MAST4: variants seen among roughly 807,000 people sequenced by gnomAD.
MAST4 encodes the protein microtubule-associated serine/threonine-protein kinase 4.
A neutral mutation model predicts 162.7 loss-of-function variants in MAST4; 89 were observed. That is an observed-to-expected ratio of 0.55 (90% CI 0.46 to 0.65). The LOEUF (loss-of-function observed/expected upper bound fraction) is 0.65. Among genes scored for constraint, MAST4 ranks in the 30% least tolerant of loss-of-function variants. MAST4 has a pLI of 0.00. For synonymous variants in MAST4, 1,479 were observed against 1,361.1 expected (o/e 1.09, Z -1.91); for missense variants, 3,153 against 3,374.0 (o/e 0.93, Z 1.62).
intron 3 of MAST4, among the ~76,000 whole-genome samples, chr5:66,843,545 G>C (rs1002230107): frequency 1.3e-5 from 2 of 152,066 alleles, no homozygotes; most frequent in African/African-American, 4.8e-5. Flanking sequence ...AACATTTTCT[G>C]ATACAGTCTT....
chr5:67,118,776 A>T, intron 13 of MAST4, 27 bp downstream of exon 13: 1 of 1,392,390 alleles, frequency 7.2e-7, no homozygotes, highest in Non-Finnish European at 9.9e-7. Flanking sequence ...ATGAAATATG[A>T]TGTTGGTTTT....
At chr5:66,615,174 A>G (rs1005194786) in intron 1 of MAST4, among the ~76,000 whole-genome samples, 3 of 151,960 alleles carry the variant, frequency 2.0e-5, no homozygotes, top group African/African-American at 7.3e-5. Context: ...GAAGAGAGAG[A>G]AAGTGAGTAG....
At chr5:66,753,053 T>G (rs1278832398) in intron 1 of MAST4, among the ~76,000 whole-genome samples, 1 of 150,514 alleles carries the variant, frequency 6.6e-6, no homozygotes, top group Non-Finnish European at 1.5e-5. Context: ...GAATGACTAC[T>G]GGGTACATAA....
chr5:66,844,139 CTGTGTGTGTGTGTGTGTGTGTGTGTG>C (rs59568297), intron 3 of MAST4, among the ~76,000 whole-genome samples: 4,636 of 104,568 alleles, frequency 0.044, 128 homozygotes, highest in Non-Finnish European at 0.064. Flanking sequence ...CCCAGTCAGC[CTGTGTGTGTGTGTGTGTGTGTGTGTG>C]TGTGTGTGTG....
chr5:66,724,855 CTG>C (rs1685818552), intron 1 of MAST4, among the ~76,000 whole-genome samples: 1 of 152,056 alleles, frequency 6.6e-6, no homozygotes, highest in East Asian at 1.9e-4. Context: ...ACAGCACTGA[CTG>C]TATCTTAAAT....
intron 3 of MAST4, among the ~76,000 whole-genome samples, chr5:66,870,218 G>A (rs1760827894): frequency 6.6e-6 from 1 of 152,166 alleles, no homozygotes; most frequent in Admixed American, 6.5e-5. Flanking sequence ...AATACAATGT[G>A]CATTTAGGGG....
At chr5:66,601,308 C>T (rs1447275700) in intron 1 of MAST4, among the ~76,000 whole-genome samples, 1 of 152,200 alleles carries the variant, frequency 6.6e-6, no homozygotes, top group Non-Finnish European at 1.5e-5. Context: ...GCCACAAGAT[C>T]AGAAAATCAG....
intron 8 of MAST4, 128 bp downstream of exon 8, chr5:67,100,720 G>A (rs1475568939): frequency 5.3e-6 from 6 of 1,128,424 alleles, no homozygotes; most frequent in Non-Finnish European, 7.6e-6. Context: ...AATATAGTGT[G>A]ATGTTTCCAT....
At position 66,596,610 on chromosome 5, in the gene MAST4, C is replaced by T. The variant is rs774043966; in HGVS notation, c.-46C>T. The T allele has an allele frequency of 8.6e-6, 12 of 1,387,842 alleles. No individual in the cohort carries two copies. The African/African-American group carries it at 1.6e-4, about 19-fold the overall frequency. 86.0% of individuals were successfully genotyped at this position (1,387,842 alleles called of 1,614,324 possible). ...TCTTCCCCGGGAGGCGCTGAGTGCG[C>T]GCCGCGCCCCCGCCGCTCGGGAGGC... On this transcript the variant is annotated 5_prime_UTR_variant, in exon 1 of 29. Transcript: ENST00000403625.
At chr5:66,952,227 G>C (rs181503644) in intron 4 of MAST4, among the ~76,000 whole-genome samples, 17 of 152,280 alleles carry the variant, frequency 1.1e-4, no homozygotes, top group Non-Finnish European at 1.9e-4. Context: ...AAGAGAGGAA[G>C]ATGTTTCCAC....
chr5:66,898,013 CT>C (rs1400997983), intron 3 of MAST4, among the ~76,000 whole-genome samples: 3 of 152,178 alleles, frequency 2.0e-5, no homozygotes, highest in African/African-American at 7.2e-5. Context: ...GAAATAACAT[CT>C]GATTTATTAT....
intron 4 of MAST4, among the ~76,000 whole-genome samples, chr5:67,023,223 G>T (rs1485001172): frequency 6.6e-6 from 1 of 152,124 alleles, no homozygotes; most frequent in East Asian, 1.9e-4. Flanking sequence ...GTCCAGCTTA[G>T]CTTCAACCCA....
Position 67,165,631 on chromosome 5 carries a change from A to G in MAST4, c.6452A>G (p.His2151Arg). 2 of 1,612,122 alleles carry G rather than the reference A, an allele frequency of 1.2e-6. No homozygotes were observed. Among genetic ancestry groups the G allele is most frequent in the Non-Finnish European group, 1.7e-6 (2 of 1,179,208 alleles). Residue 2151 changes from histidine to arginine, a missense_variant, in exon 29 of 29, where the codon CAT (histidine) becomes CGT (arginine). Physicochemically the swap from His to Arg is conservative, Grantham distance 29. Coordinates refer to ENST00000403625, the MANE Select transcript of MAST4 (RefSeq NM_001164664.2). ...CTGTCCAGCCCGGCTGCCAGGCAGC[A>G]TTGCAGTTCCCCAAGCCACGCTTCT... ...KDLSSPAARQ[H>R]CSSPSHASGR... is the part of the protein sequence containing the mutation.
chr5:66,756,803 C>G (rs910195750), intron 1 of MAST4, among the ~76,000 whole-genome samples: 2 of 152,122 alleles, frequency 1.3e-5, no homozygotes, highest in African/African-American at 4.8e-5. Context: ...GGAGTGTGAT[C>G]GGATGTGAAG....
chr5:66,670,872 T>C (rs183887035), intron 1 of MAST4, among the ~76,000 whole-genome samples: 1 of 152,224 alleles, frequency 6.6e-6, no homozygotes, highest in Admixed American at 6.5e-5. Context: ...ACAATCTCTA[T>C]TTACACTTAA....
At position 66,986,600 on chromosome 5, in the gene MAST4, T is replaced by TTATATATA. The variant is rs548477839; in HGVS notation, c.675-67792_675-67785dup. The TTATATATA allele has an allele frequency of 8.1e-4, 173 of 214,026 alleles. 1 individual carries two copies. Among genetic ancestry groups the TTATATATA allele is most frequent in the African/African-American group, 3.5e-3 (138 of 39,718 alleles). The allele number at this position is 214,026 out of a possible 1,614,324, so 13.3% of individuals were successfully genotyped here. On this transcript the variant is annotated intron_variant, in intron 4 of 28. Transcript: ENST00000403625. ...ATATTAAAAATATATATGTATGAAT[T>TTATATATA]TATATATATATATATATATTTATTT... is the stretch of plus-strand genomic sequence containing the variant.
chr5:67,020,472 A>T (rs532989113), intron 4 of MAST4, among the ~76,000 whole-genome samples: 1 of 152,232 alleles, frequency 6.6e-6, no homozygotes, highest in Admixed American at 6.5e-5. Flanking sequence ...TCTTGGAAGG[A>T]TTGTTTCGCC....
chr5:66,641,233 A>G (rs1049490067), intron 1 of MAST4, among the ~76,000 whole-genome samples: 2 of 151,954 alleles, frequency 1.3e-5, no homozygotes, highest in African/African-American at 4.8e-5. Context: ...GCTCATTGCA[A>G]CTTTGCCTCA....
intron 4 of MAST4, among the ~76,000 whole-genome samples, chr5:67,009,609 A>C (rs554521811): frequency 3.3e-4 from 51 of 152,366 alleles, no homozygotes; most frequent in African/African-American, 1.2e-3. Flanking sequence ...ATGCTTAATG[A>C]AATGACTGGC....
Sources: gnomAD v4.1 joint callset for allele counts (sites outside exome capture counted in the v4.1 genomes callset) on GRCh38, gnomAD v4.1.1 for gene constraint, MANE v1.5 for transcripts, NCBI Gene and HGNC (gene_info 2026-07-23, HGNC 2026-07-21) for gene names.